TSPAN11: variants seen among roughly 807,000 people sequenced by gnomAD.
TSPAN11 encodes the protein tetraspanin 11.
Under a neutral mutation model 32.9 loss-of-function variants are expected in TSPAN11, and 29 were observed. The observed-to-expected ratio is 0.88, with a 90% CI of 0.66 to 1.20. The LOEUF (loss-of-function observed/expected upper bound fraction) is 1.20, where lower values mean the gene tolerates loss of function less well. TSPAN11 is among the 50% of genes most tolerant of loss of function. The pLI is 0.00. For missense variants in TSPAN11, 283 were observed against 329.1 expected, an observed-to-expected ratio of 0.86 and a Z score of 1.08; for synonymous variants, 140 against 141.3, an observed-to-expected ratio of 0.99 and a Z score of 0.07.
chr12:30,969,840 C>G (rs1212520596), intron 3 of TSPAN11, among the ~76,000 whole-genome samples: 2 of 152,182 alleles, frequency 1.3e-5, no homozygotes, highest in African/African-American at 4.8e-5. Flanking sequence ...GACTCTGACC[C>G]AGTTCTAGGC....
chr12:30,973,085 C>G (rs529194181), intron 3 of TSPAN11, among the ~76,000 whole-genome samples: 1 of 152,280 alleles, frequency 6.6e-6, no homozygotes, highest in Admixed American at 6.5e-5. Flanking sequence ...TGAGCTCATC[C>G]GTCCATCCCT....
intron 3 of TSPAN11, among the ~76,000 whole-genome samples, chr12:30,964,375 G>A (rs371113038): frequency 1.6e-4 from 24 of 147,710 alleles, no homozygotes; most frequent in South Asian, 4.3e-4. Context: ...TCCTTATCCC[G>A]TTTCCTTCTT....
At position 30,953,362 on chromosome 12, in the gene TSPAN11, T is replaced by C. The variant is rs570620411; in HGVS notation, c.-11-619T>C. On this transcript the variant is annotated intron_variant, in intron 1 of 7. Transcript: ENST00000546076. ...CTTGCCCAAAGTATCACACATCTTG[T>C]GACAGATCAGGGTGTGAACCCAGAG... 1.4e-4 allele frequency among the ~76,000 whole-genome samples: 21 copies of C among 152,292 alleles called. No individual in the cohort carries two copies. In the South Asian group the frequency reaches 2.7e-3, roughly 20 times the overall value.
rs573992048 is a variant in TSPAN11, at chr12:30,978,644, C to T, written c.351+9C>T. On this transcript the variant is annotated intron_variant, in intron 4 of 7. Transcript: ENST00000546076. ...ATGTGTATTACCAGAGGGTAAGTGA[C>T]GTTTCCTCCTCCTGCATCCTCTGTC... The T allele has an allele frequency of 1.7e-5, 27 of 1,613,824 alleles. 1 individual carries two copies. Among genetic ancestry groups the T allele is most frequent in the East Asian group, 6.7e-5 (3 of 44,884 alleles).
At chr12:31,005,000 G>T in the TSPAN11 span, among the ~76,000 whole-genome samples, 3 of 152,328 alleles carry the variant, frequency 2.0e-5, no homozygotes, top group South Asian at 6.2e-4. Context: ...GCCAGGACTG[G>T]CAGGACCCCT....
At chr12:30,963,756 T>G in intron 2 of TSPAN11, 70 bp from the exon 3 acceptor site, 4 of 1,524,950 alleles carry the variant, frequency 2.6e-6, no homozygotes, top group Non-Finnish European at 3.5e-6. Flanking sequence ...TGGCACCCTG[T>G]GGGCACTGAA....
intron 7 of TSPAN11, among the ~76,000 whole-genome samples, chr12:30,986,523 T>A (rs1048017757): frequency 6.6e-6 from 1 of 152,212 alleles, no homozygotes. Context: ...GGCCCTGAGC[T>A]ACACTAAGGG....
downstream of TSPAN11, chr12:30,998,795 A>G (rs1183368712): frequency 6.6e-6 from 1 of 152,210 alleles, no homozygotes; most frequent in Non-Finnish European, 1.5e-5. Flanking sequence ...GGACTTTTAA[A>G]ACACACTGTA....
At chr12:30,982,401 T>C in intron 5 of TSPAN11, 131 bp from the exon 6 acceptor site, 1 of 1,343,086 alleles carries the variant, frequency 7.4e-7, no homozygotes, top group Non-Finnish European at 1.0e-6. Context: ...AAACACATTA[T>C]ACAAATACTA....
intron 2 of TSPAN11, among the ~76,000 whole-genome samples, chr12:30,956,934 G>A (rs369962014): frequency 1.7e-4 from 26 of 152,354 alleles, no homozygotes; most frequent in African/African-American, 6.3e-4. Context: ...TTGAGCATTA[G>A]CTGAGGCCTT....
At chr12:31,011,872 G>C in the TSPAN11 span, among the ~76,000 whole-genome samples, 14 of 152,306 alleles carry the variant, frequency 9.2e-5, no homozygotes, top group Non-Finnish European at 1.8e-4. Context: ...GCTGGGTTGG[G>C]CTCCTTTTTC....
At chr12:31,016,489 AAGGAG>A in the TSPAN11 span, among the ~76,000 whole-genome samples, 720 of 151,942 alleles carry the variant, frequency 4.7e-3, 3 homozygotes, top group Non-Finnish European at 7.8e-3. Context: ...GAGGAGAGGA[AAGGAG>A]AGGAGAGGAG....
chr12:31,005,550 GCAGGCATC>G, the TSPAN11 span, among the ~76,000 whole-genome samples: 3 of 152,200 alleles, frequency 2.0e-5, no homozygotes, highest in African/African-American at 7.2e-5. Context: ...AGACACAGAC[GCAGGCATC>G]CAGGTGCCCC....
intron 3 of TSPAN11, among the ~76,000 whole-genome samples, chr12:30,976,266 T>C (rs1272126152): frequency 2.6e-5 from 4 of 151,914 alleles, no homozygotes; most frequent in Non-Finnish European, 5.9e-5. Context: ...AAAGTACATT[T>C]CCCCCTCGTT....
chr12:30,966,175 C>A (rs1565797515), intron 3 of TSPAN11, among the ~76,000 whole-genome samples: 1 of 152,024 alleles, frequency 6.6e-6, no homozygotes, highest in Non-Finnish European at 1.5e-5. Context: ...ACTAGGGCTC[C>A]CCCAAGCAGG....
rs778156462 is a variant in TSPAN11, at chr12:30,979,675, G to A, written c.456+5G>A. ...GTGGACCGACTCCAGCAGGATGTAA[G>A]CCATGCCCCATATGGCCTTGAAGGC... On this transcript the variant is annotated splice_donor_5th_base_variant and intron_variant, in intron 5 of 7. Coordinates refer to ENST00000546076, the MANE Select transcript of TSPAN11 (RefSeq NM_001370302.1). The A allele has an allele frequency of 1.2e-6, 2 of 1,613,982 alleles. No homozygotes were observed. Among genetic ancestry groups the A allele is most frequent in the Non-Finnish European group, 1.7e-6 (2 of 1,179,988 alleles).
intron 1 of TSPAN11, among the ~76,000 whole-genome samples, chr12:30,933,717 C>T (rs1243300818): frequency 1.3e-5 from 2 of 152,106 alleles, no homozygotes; most frequent in African/African-American, 2.4e-5. Context: ...AGCTGTGGAC[C>T]TAGGAGGGGC....
chr12:30,980,548 C>T (rs960156838), intron 5 of TSPAN11, among the ~76,000 whole-genome samples: 1 of 151,762 alleles, frequency 6.6e-6, no homozygotes, highest in Admixed American at 6.6e-5. Flanking sequence ...TGCCACCCCA[C>T]TCCCCACCCC....
downstream of TSPAN11, among the ~76,000 whole-genome samples, chr12:30,998,102 G>A (rs1047228336): frequency 2.0e-5 from 3 of 149,770 alleles, no homozygotes; most frequent in Non-Finnish European, 2.9e-5. Flanking sequence ...GAGTGTGTGC[G>A]TGTGTGTGTG....
Sources: allele counts gnomAD v4.1 joint callset (sites outside exome capture counted in the v4.1 genomes callset), GRCh38; gene constraint gnomAD v4.1.1; transcripts MANE v1.5; gene names NCBI Gene and HGNC (gene_info 2026-07-23, HGNC 2026-07-21).